Variants in PKP1 observed in about 807,000 individuals in gnomAD.
The protein encoded by PKP1 is plakophilin 1.
Under a neutral mutation model 76.4 loss-of-function variants are expected in PKP1, and 27 were observed. That is an observed-to-expected ratio of 0.35 (90% CI 0.26 to 0.49). The LOEUF is 0.49. Among genes scored for constraint, PKP1 ranks in the 20% least tolerant of loss-of-function variants. The pLI is 0.99. For missense variants in PKP1, 964 were observed against 955.2 expected (o/e 1.01, Z -0.12); for synonymous variants, 404 against 384.2 (o/e 1.05, Z -0.60).
intron 2 of PKP1, among the ~76,000 whole-genome samples, chr1:201,295,374 A>G (rs1011714712): frequency 2.0e-5 from 3 of 152,048 alleles, no homozygotes; most frequent in African/African-American, 7.2e-5. Flanking sequence ...TTTTTTCCTG[A>G]TTCTTGATGG....
chr1:201,293,034 G>T (rs1655965223), intron 1 of PKP1, among the ~76,000 whole-genome samples: 2 of 152,334 alleles, frequency 1.3e-5, no homozygotes, highest in Middle Eastern at 3.4e-3. Context: ...CAAAAGATGA[G>T]CAAGATTAGA....
intron 2 of PKP1, among the ~76,000 whole-genome samples, chr1:201,308,693 G>C (rs575985564): frequency 1.3e-5 from 2 of 152,252 alleles, no homozygotes; most frequent in South Asian, 4.2e-4. Context: ...AGCTTAGAGG[G>C]GTGTGCTGGG....
intron 6 of PKP1, among the ~76,000 whole-genome samples, chr1:201,319,117 G>T (rs998208186): frequency 4.0e-5 from 2 of 49,552 alleles, no homozygotes; most frequent in Admixed American, 2.9e-4. Context: ...TGCATTTCTT[G>T]TGCTATCATC....
In PKP1 at chr1:201,324,975, C is replaced by T. The variant is rs1449021235; in HGVS notation, c.1869C>T (p.Leu623=). 3 of 1,613,848 alleles carry T rather than the reference C, an allele frequency of 1.9e-6. No individual in the cohort carries two copies. The highest frequency in any genetic ancestry group is 1.1e-5 in the South Asian group (1 of 91,068). ...NQVFPEVTRL[L]TSHTGNTSNS... is the part of the protein sequence containing the mutation. ...TGTTCCCGGAGGTGACCAGGCTCCTCACCAGCCACACTGGCAATACCAGCA... is the reference window on the plus strand; with the variant it reads ...TGTTCCCGGAGGTGACCAGGCTCCTTACCAGCCACACTGGCAATACCAGCA... Residue 623 remains leucine, a synonymous_variant, in exon 11 of 14, where the codon CTC becomes CTT. Coordinates refer to ENST00000367324, the MANE Select transcript of PKP1 (RefSeq NM_001005337.3).
At chr1:201,311,918 G>C (rs906744572) in intron 2 of PKP1, among the ~76,000 whole-genome samples, 2 of 152,248 alleles carry the variant, frequency 1.3e-5, no homozygotes, top group Non-Finnish European at 2.9e-5. Flanking sequence ...TTCCAGAACT[G>C]ATTCGCACCA....
intron 2 of PKP1, among the ~76,000 whole-genome samples, chr1:201,306,934 T>C (rs1239425687): frequency 6.6e-6 from 1 of 152,198 alleles, no homozygotes; most frequent in Non-Finnish European, 1.5e-5. Context: ...CCTCCCAAAG[T>C]GCTGGGATTA....
chr1:201,313,263 G>C lies in PKP1; in HGVS notation c.404G>C (p.Cys135Ser), dbSNP rs1242432172. 6.2e-7 allele frequency: 1 copy of C among 1,605,228 alleles called. No homozygotes were observed. Among genetic ancestry groups the C allele is most frequent in the Middle Eastern group, 1.7e-4 (1 of 6,050 alleles). The part of the protein sequence containing the change: ...NWSRHYPRGS[C>S]NTTGAGSDIC... ...AGCCGGCACTACCCCCGGGGCAGCT[G>C]TAACACCACCGGCGCAGGCAGCGAC... The change falls in exon 3 of 14, where the codon TGT becomes TCT. Residue 135 changes from cysteine (C) to serine (S), a missense_variant. Cys to Ser is a moderately radical substitution (Grantham distance 112, BLOSUM62 -1). Coordinates refer to ENST00000367324, the MANE Select transcript of PKP1 (RefSeq NM_001005337.3).
Position 201,325,837 on chromosome 1 carries a change from AG to A in PKP1, c.2106+1del. 6.2e-7 allele frequency: 1 copy of A among 1,610,498 alleles called. No individual in the cohort carries two copies. Among genetic ancestry groups the A allele is most frequent in the Non-Finnish European group, 8.5e-7 (1 of 1,176,856 alleles). Reference sequence around the variant, plus strand: ...AAGGAACTGCAGGGTGTCCTCAGACAGGTAAGAGCCCAGGACATCATCCTCT... The same window carrying A: ...AAGGAACTGCAGGGTGTCCTCAGACAGTAAGAGCCCAGGACATCATCCTCT... ...SSKELQGVLR[Q>X]QGFDRNMLGT... On this transcript the variant is annotated frameshift_variant and splice_region_variant, in exon 12 of 14. Transcript: ENST00000367324. LOFTEE classifies it high-confidence loss of function.
chr1:201,316,177 A>C, intron 3 of PKP1: 1 of 43,696 alleles, frequency 2.3e-5, no homozygotes, highest in South Asian at 4.3e-4. Flanking sequence ...GATGGATAGG[A>C]TCATGGCCAT....
intron 2 of PKP1, among the ~76,000 whole-genome samples, chr1:201,297,747 T>G (rs571086821): frequency 6.6e-6 from 1 of 152,084 alleles, no homozygotes; most frequent in Non-Finnish European, 1.5e-5. Flanking sequence ...TGCAAGACAC[T>G]CATGAGTCTG....
In PKP1 at chr1:201,323,206, C is replaced by G. The variant is rs1779287; in HGVS notation, c.1680+17C>G. ...AAGGGGCTGGTGAGTGGGACTGTAC[C>G]TTCTCTACTGCAGCAGCCCCATCCT... On this transcript the variant is annotated intron_variant, in intron 9 of 13. Transcript: ENST00000367324. The G allele has an allele frequency of 3.1e-6, 5 of 1,611,232 alleles. No homozygotes were observed. In the South Asian group the frequency reaches 5.5e-5, roughly 18 times the overall value.
chr1:201,289,588 TG>T (rs1227186391), intron 1 of PKP1, among the ~76,000 whole-genome samples: 1 of 152,034 alleles, frequency 6.6e-6, no homozygotes, highest in Non-Finnish European at 1.5e-5. Context: ...GGCCTGGGAT[TG>T]GGGGTGTGGA....
At chr1:201,286,421 C>A (rs749199458) in intron 1 of PKP1, among the ~76,000 whole-genome samples, 15 of 152,188 alleles carry the variant, frequency 9.9e-5, no homozygotes, top group Non-Finnish European at 7.3e-5. Context: ...CAGTCAGGAC[C>A]AGCCATCCTT....
In PKP1 at chr1:201,323,107, A is replaced by G. The variant is rs1359644208; in HGVS notation, c.1598A>G (p.Asn533Ser). The G allele has an allele frequency of 3.1e-6, 5 of 1,614,004 alleles. No individual in the cohort carries two copies. The highest frequency in any genetic ancestry group is 4.2e-6 in the Non-Finnish European group (5 of 1,179,984). The change falls in exon 9 of 14, where the codon AAC (asparagine) becomes AGC (serine). Residue 533 changes from asparagine to serine, a missense_variant. Coordinates refer to ENST00000367324, the MANE Select transcript of PKP1 (RefSeq NM_001005337.3). ...YHSDAIRTYL[N>S]LMGKSKKDAT... is the part of the protein sequence containing the mutation. ...TCAGATGCCATCCGCACCTACCTGA[A>G]CCTCATGGGCAAGAGCAAGAAAGAT...
At chr1:201,293,083 G>A (rs890928519) in intron 1 of PKP1, among the ~76,000 whole-genome samples, 8 of 152,194 alleles carry the variant, frequency 5.3e-5, no homozygotes, top group African/African-American at 9.7e-5. Context: ...TTGGCATGGA[G>A]GGAGATGTGA....
At position 201,318,699 on chromosome 1, in the gene PKP1, T is replaced by G. The variant is rs1195568852; in HGVS notation, c.1136T>G (p.Val379Gly). ...GCCCTGCCTGTTCTGGCCGACCGCG[T>G]CATCATTCCCTTCTCTGGCTGGTGC... ...ADALPVLADR[V>G]IIPFSGWCDG... The change falls in exon 6 of 14, where the codon GTC (valine) becomes GGC (glycine). Residue 379 changes from valine to glycine, a missense_variant. By Grantham distance (109) the Val-to-Gly change is moderately radical (BLOSUM62 -3). Coordinates refer to ENST00000367324, the MANE Select transcript of PKP1 (RefSeq NM_001005337.3). The G allele has an allele frequency of 6.2e-7, 1 of 1,612,348 alleles. No individual in the cohort carries two copies. Among genetic ancestry groups the G allele is most frequent in the Middle Eastern group, 2.1e-4 (1 of 4,656 alleles).
chr1:201,320,553 C>T (rs573325218), intron 7 of PKP1, among the ~76,000 whole-genome samples, 172 bp downstream of exon 7: 2 of 152,288 alleles, frequency 1.3e-5, no homozygotes, highest in East Asian at 1.9e-4. Context: ...CTGGGGACAG[C>T]GTGCCCATGC....
intron 5 of PKP1, 34 bp downstream of exon 5, chr1:201,317,813 G>C: frequency 6.3e-7 from 1 of 1,597,338 alleles, no homozygotes; most frequent in Admixed American, 1.7e-5. Flanking sequence ...GCCAGCCTGA[G>C]GGCTGTGCAA....
At chr1:201,325,860 C>T (rs1371590738) in intron 12 of PKP1, 22 bp downstream of exon 12, 5 of 1,577,630 alleles carry the variant, frequency 3.2e-6, no homozygotes, top group African/African-American at 2.7e-5. Flanking sequence ...GGACATCATC[C>T]TCTTCTGAGG....
Sources: gnomAD v4.1 joint callset for allele counts (sites outside exome capture counted in the v4.1 genomes callset) on GRCh38, gnomAD v4.1.1 for gene constraint, MANE v1.5 for transcripts, NCBI Gene and HGNC (gene_info 2026-07-23, HGNC 2026-07-21) for gene names.